The following CYYR1 variants were observed in gnomAD, a reference collection of about 807,000 sequenced individuals.
CYYR1 encodes the protein cysteine and tyrosine rich 1.
Under a neutral mutation model 15.2 loss-of-function variants are expected in CYYR1, and 14 were observed. That is an observed-to-expected ratio of 0.92 (90% confidence interval 0.61 to 1.44). CYYR1 has a LOEUF of 1.44. CYYR1 is among the 40% of genes most tolerant of loss of function. The pLI, the probability that CYYR1 is intolerant of heterozygous loss-of-function variation, is 0.00. For synonymous variants in CYYR1, 80 were observed against 77.4 expected, an observed-to-expected ratio of 1.03 and a Z score of -0.18; for missense variants, 228 against 209.5, an observed-to-expected ratio of 1.09 and a Z score of -0.54.
At chr21:26,502,024 A>C (rs1314464721) in intron 2 of CYYR1, among the ~76,000 whole-genome samples, 1 of 152,214 alleles carries the variant, frequency 6.6e-6, no homozygotes, top group Non-Finnish European at 1.5e-5. Context: ...CAGTAAAAAA[A>C]ATCTCTCCAT....
intron 2 of CYYR1, among the ~76,000 whole-genome samples, chr21:26,512,808 A>G (rs117003643): frequency 6.6e-6 from 1 of 152,352 alleles, no homozygotes; most frequent in Non-Finnish European, 1.5e-5. Context: ...CTATCAGGCT[A>G]GATAAAACAG....
In CYYR1 at chr21:26,556,058, C is replaced by G. The variant is rs1011280206; in HGVS notation, c.176+10208G>C. 1.1e-4 allele frequency among the ~76,000 whole-genome samples: 16 copies of G among 152,142 alleles called. 1 individual carries two copies. Among genetic ancestry groups the G allele is most frequent in the Admixed American group, 9.2e-4 (14 of 15,270 alleles). On this transcript the variant is annotated intron_variant, in intron 2 of 3. Coordinates refer to ENST00000652641, the MANE Select transcript of CYYR1 (RefSeq NM_001320768.2). ...CAAATTGGCTTTTCAATTCTAGTCT[C>G]TATCATCTGATTATAATTTATCATA...
intron 2 of CYYR1, among the ~76,000 whole-genome samples, chr21:26,561,532 T>C (rs1181900730): frequency 6.6e-6 from 1 of 152,200 alleles, no homozygotes; most frequent in Non-Finnish European, 1.5e-5. Context: ...TTAGCTGTCT[T>C]TGCCAAACTG....
chr21:26,516,748 A>G (rs1470856763), intron 2 of CYYR1, among the ~76,000 whole-genome samples: 1 of 152,248 alleles, frequency 6.6e-6, no homozygotes, highest in African/African-American at 2.4e-5. Context: ...CTGAATATTA[A>G]CATTCAGCTA....
intron 2 of CYYR1, among the ~76,000 whole-genome samples, chr21:26,525,509 C>T (rs2065852549): frequency 6.6e-6 from 1 of 152,184 alleles, no homozygotes; most frequent in African/African-American, 2.4e-5. Flanking sequence ...TCCCCAGAGG[C>T]TTCAGCACTA....
intron 2 of CYYR1, among the ~76,000 whole-genome samples, chr21:26,504,221 G>GATGT (rs1396522122): frequency 1.6e-5 from 2 of 126,586 alleles, no homozygotes; most frequent in South Asian, 2.8e-4. Flanking sequence ...TACTCTTTGT[G>GATGT]ATGTATTTAT....
intron 2 of CYYR1, among the ~76,000 whole-genome samples, chr21:26,546,216 T>C (rs1978967184): frequency 1.3e-5 from 2 of 152,216 alleles, no homozygotes; most frequent in Admixed American, 1.3e-4. Flanking sequence ...ATATTTAGAA[T>C]TGTTAGCAAA....
chr21:26,485,696 A>G (rs1043982257), intron 2 of CYYR1, among the ~76,000 whole-genome samples: 1 of 152,120 alleles, frequency 6.6e-6, no homozygotes, highest in African/African-American at 2.4e-5. Context: ...TGATATGGCT[A>G]TAACACACTT....
chr21:26,478,379 C>G (rs1173164475), intron 3 of CYYR1, among the ~76,000 whole-genome samples: 1 of 151,866 alleles, frequency 6.6e-6, no homozygotes, highest in Admixed American at 6.6e-5. Flanking sequence ...AGGCAAAGCC[C>G]TATGGTGGAA....
chr21:26,527,453 A>C (rs1390196918), intron 2 of CYYR1, among the ~76,000 whole-genome samples: 3 of 152,190 alleles, frequency 2.0e-5, no homozygotes, highest in Non-Finnish European at 2.9e-5. Context: ...TACAAACCTC[A>C]AAGGTTAGAA....
chr21:26,557,270 C>T (rs1432879798), intron 2 of CYYR1, among the ~76,000 whole-genome samples: 1 of 152,152 alleles, frequency 6.6e-6, no homozygotes, highest in Non-Finnish European at 1.5e-5. Context: ...TAATATCCAA[C>T]TGTGATGTCT....
chr21:26,522,041 G>A (rs2065809748), intron 2 of CYYR1, among the ~76,000 whole-genome samples: 1 of 152,148 alleles, frequency 6.6e-6, no homozygotes, highest in Non-Finnish European at 1.5e-5. Context: ...TTGATGTTGT[G>A]TTGTTCCATG....
At chr21:26,521,759 T>C (rs988840058) in intron 2 of CYYR1, among the ~76,000 whole-genome samples, 4 of 152,274 alleles carry the variant, frequency 2.6e-5, no homozygotes, top group Middle Eastern at 3.4e-3. Flanking sequence ...GGCCTCTAGA[T>C]AGAGGCAGGA....
Position 26,573,156 on chromosome 21 carries a change from C to A in CYYR1, c.-216G>T. On this transcript the variant is annotated 5_prime_UTR_variant, in exon 1 of 4. Coordinates refer to ENST00000652641, the MANE Select transcript of CYYR1 (RefSeq NM_001320768.2). ...CCGCGGAGCTGGGGCGCCCGTGGCC[C>A]GAGACGGGCTGCGCTGGGGGCCCAG... 6.7e-7 allele frequency: 1 copy of A among 1,486,908 alleles called. No individual in the cohort carries two copies. Among genetic ancestry groups the A allele is most frequent in the Non-Finnish European group, 8.9e-7 (1 of 1,122,126 alleles). 92.1% of individuals were successfully genotyped at this position (1,486,908 alleles called of 1,614,324 possible).
chr21:26,545,654 G>A (rs761195019), intron 2 of CYYR1, among the ~76,000 whole-genome samples: 13 of 125,544 alleles, frequency 1.0e-4, no homozygotes, highest in Non-Finnish European at 1.4e-4. Context: ...TGCAAGCTCC[G>A]CCTCCCGGGT....
chr21:26,511,759 T>G (rs906367035), intron 2 of CYYR1, among the ~76,000 whole-genome samples: 13 of 152,170 alleles, frequency 8.5e-5, no homozygotes, highest in African/African-American at 3.1e-4. Flanking sequence ...CCCCAAAGAT[T>G]ATAACCTTGA....
At chr21:26,488,929 T>C (rs2065289706) in intron 2 of CYYR1, among the ~76,000 whole-genome samples, 1 of 152,196 alleles carries the variant, frequency 6.6e-6, no homozygotes, top group Admixed American at 6.5e-5. Context: ...AAGTCTCTGT[T>C]ATTCTAGTTT....
At position 26,501,208 on chromosome 21, in the gene CYYR1, CAT is replaced by C. The variant is rs2065477382; in HGVS notation, c.177-20781_177-20780del. Among the ~76,000 whole-genome samples, 5 of 152,238 alleles carry C rather than the reference CAT, an allele frequency of 3.3e-5. No individual in the cohort carries two copies. The South Asian group carries it at 1.0e-3, about 32-fold the overall frequency. On this transcript the variant is annotated intron_variant, in intron 2 of 3. Transcript: ENST00000652641. ...CAAAAATTAGCTGGGCGTGGTGGCA[CAT>C]GCCTGCAATCCTAGCTACTCGGGAG... is the stretch of plus-strand genomic sequence containing the variant.
At chr21:26,555,721 C>T (rs1010872907) in intron 2 of CYYR1, among the ~76,000 whole-genome samples, 3 of 152,074 alleles carry the variant, frequency 2.0e-5, no homozygotes, top group Non-Finnish European at 4.4e-5. Context: ...GTTATCATCA[C>T]CCTCTGAAAT....
Sources: gnomAD v4.1 joint callset for allele counts (sites outside exome capture counted in the v4.1 genomes callset) on GRCh38, gnomAD v4.1.1 for gene constraint, MANE v1.5 for transcripts, NCBI Gene and HGNC (gene_info 2026-07-23, HGNC 2026-07-21) for gene names.